Variants in DNAAF10 observed in about 807,000 individuals in gnomAD.
The protein encoded by DNAAF10 is WD repeat domain 92.
In DNAAF10, 28 loss-of-function variants were observed where a neutral mutation model predicts 43.7. The ratio of observed to expected loss-of-function variants is 0.64; its 90% CI spans 0.48 to 0.88. DNAAF10 has a LOEUF of 0.88. Among genes scored for constraint, DNAAF10 ranks in the 40% least tolerant of loss-of-function variants. The probability of loss-of-function intolerance (pLI) is 0.00; values close to 1 mark genes in which losing one functional copy is unlikely to be tolerated. For synonymous variants in DNAAF10, 156 were observed against 157.3 expected, an observed-to-expected ratio of 0.99 and a Z score of 0.06; for missense variants, 403 against 439.1, an observed-to-expected ratio of 0.92 and a Z score of 0.73.
intron 3 of DNAAF10, among the ~76,000 whole-genome samples, chr2:68,142,341 C>G (rs560383726): frequency 6.6e-6 from 1 of 152,276 alleles, no homozygotes; most frequent in South Asian, 2.1e-4. Flanking sequence ...ACTGCAACCT[C>G]CGCCTCCTGG....
At chr2:68,144,225 C>T (rs1673258815) in intron 3 of DNAAF10, among the ~76,000 whole-genome samples, 1 of 152,066 alleles carries the variant, frequency 6.6e-6, no homozygotes, top group Non-Finnish European at 1.5e-5. Flanking sequence ...ACTAATTCTG[C>T]CTTTTAAAAA....
intron 7 of DNAAF10, among the ~76,000 whole-genome samples, chr2:68,133,231 T>G (rs1019861264): frequency 1.3e-5 from 2 of 152,154 alleles, no homozygotes; most frequent in African/African-American, 4.8e-5. Flanking sequence ...TTTGTTTGTT[T>G]GTTTGTTTGT....
At chr2:68,154,021 G>A (rs1673524979) in intron 1 of DNAAF10, among the ~76,000 whole-genome samples, 1 of 151,936 alleles carries the variant, frequency 6.6e-6, no homozygotes, top group Non-Finnish European at 1.5e-5. Context: ...TCAAAGTGCA[G>A]GGATTACAGG....
At chr2:68,148,338 T>C (rs1043418448) in intron 1 of DNAAF10, among the ~76,000 whole-genome samples, 1 of 152,190 alleles carries the variant, frequency 6.6e-6, no homozygotes, top group African/African-American at 2.4e-5. Flanking sequence ...TGGTTTCTAC[T>C]ACATGCAAGT....
At chr2:68,140,919 G>A (rs898034805) in intron 4 of DNAAF10, among the ~76,000 whole-genome samples, 5 of 152,116 alleles carry the variant, frequency 3.3e-5, no homozygotes, top group Admixed American at 2.0e-4. Context: ...GACTGACACA[G>A]CATTTATATT....
chr2:68,137,234 T>C, intron 6 of DNAAF10, 65 bp downstream of exon 6: 1 of 1,481,054 alleles, frequency 6.8e-7, no homozygotes, highest in South Asian at 1.4e-5. Flanking sequence ...GGTGACTAAT[T>C]CTACTTATCA....
At chr2:68,155,458 C>T (rs1042238031) in intron 1 of DNAAF10, among the ~76,000 whole-genome samples, 2 of 150,680 alleles carry the variant, frequency 1.3e-5, no homozygotes, top group African/African-American at 2.4e-5. Flanking sequence ...CACGCCACTG[C>T]ACTCAAGCTT....
chr2:68,131,940 C>T (rs556085372), intron 7 of DNAAF10: 77 of 163,424 alleles, frequency 4.7e-4, no homozygotes, highest in African/African-American at 1.8e-3. Flanking sequence ...ATTACACGGA[C>T]CCAAGCCTAA....
intron 1 of DNAAF10, among the ~76,000 whole-genome samples, chr2:68,154,725 A>G (rs1163300090): frequency 6.6e-6 from 1 of 152,122 alleles, no homozygotes; most frequent in East Asian, 1.9e-4. Flanking sequence ...ACTCTATTCC[A>G]CTTGATGGAG....
chr2:68,157,106 AAAC>A, intron 1 of DNAAF10, 152 bp downstream of exon 1: 1 of 1,047,068 alleles, frequency 9.6e-7, no homozygotes. Context: ...TTTAAATAGG[AAAC>A]ATTCCTCAGT....
chr2:68,156,055 T>A (rs1673596239), intron 1 of DNAAF10, among the ~76,000 whole-genome samples: 1 of 148,538 alleles, frequency 6.7e-6, no homozygotes, highest in Admixed American at 6.8e-5. Flanking sequence ...TGAGCTGTGT[T>A]TGCACCACAG....
Position 68,134,716 on chromosome 2 carries a change from A to T in DNAAF10, c.852T>A (p.Leu284=), listed in dbSNP as rs551081615. Residue 284 remains leucine (L), a synonymous_variant, in exon 7 of 8, where the codon CTT becomes CTA. Transcript: ENST00000295121. ...GGCAGACTTACTACTTCCAGAGGTG[A>T]AGGCCGCCGGCGCCTCCAGCTGTCA... ...LFLTAGGAGG[L]HLWKYEYPIQ... The T allele has an allele frequency of 6.2e-5, 99 of 1,609,552 alleles. No homozygotes were observed. The Admixed American group carries it at 6.5e-4, about 11-fold the overall frequency.
At chr2:68,149,104 T>C (rs1431622231) in intron 1 of DNAAF10, among the ~76,000 whole-genome samples, 1 of 152,256 alleles carries the variant, frequency 6.6e-6, no homozygotes, top group Admixed American at 6.5e-5. Context: ...TCCCTGCCAC[T>C]TTCAATGTTT....
chr2:68,134,650 C>T, intron 7 of DNAAF10, 52 bp downstream of exon 7: 1 of 1,587,598 alleles, frequency 6.3e-7, no homozygotes, highest in South Asian at 1.2e-5. Context: ...TCTAATCCTA[C>T]TTTACACCCA....
chr2:68,134,401 T>C (rs1262964209), intron 7 of DNAAF10: 6 of 1,112,694 alleles, frequency 5.4e-6, no homozygotes, highest in Non-Finnish European at 6.6e-6. Context: ...AGGCAGTGAG[T>C]GTTCTAATCA....
intron 5 of DNAAF10, among the ~76,000 whole-genome samples, chr2:68,137,969 T>C (rs1219810964): frequency 2.0e-5 from 3 of 150,160 alleles, no homozygotes; most frequent in Non-Finnish European, 4.4e-5. Context: ...GGTCAGGAGA[T>C]TGAGACCATC....
rs1673350300 is a variant in DNAAF10 at position 68,147,578 on chromosome 2, G to A, written c.184-11C>T. 1 of 1,582,950 alleles carries A rather than the reference G, an allele frequency of 6.3e-7. No individual in the cohort carries two copies. The highest frequency in any genetic ancestry group is 1.1e-5 in the South Asian group (1 of 88,500). ...TTTGGCCTTTTCAATCTTCATAGAA[G>A]GGAGGAAGAGAGGATATATTATTTA... On this transcript the variant is annotated splice_polypyrimidine_tract_variant and intron_variant, in intron 1 of 7. Transcript: ENST00000295121.
rs199700133 is a variant in DNAAF10 at position 68,130,109 on chromosome 2, G to GATATATATATATATAT, written c.*1128_*1129insATATATATATATATAT. On this transcript the variant is annotated 3_prime_UTR_variant, in exon 8 of 8. Coordinates refer to ENST00000295121, the MANE Select transcript of DNAAF10 (RefSeq NM_138458.4). The stretch of plus-strand genomic sequence containing the variant: ...CTAGACCAACCGTGCCGTTTTGAGA[G>GATATATATATATATAT]AGAGAGATATATATATATATATTTG... The GATATATATATATATAT allele has an allele frequency of 9.3e-5, 12 of 129,196 alleles. No homozygotes were observed. The highest frequency in any genetic ancestry group is 4.0e-4 in the African/African-American group (12 of 29,996). The allele number at this position is 129,196 out of a possible 1,614,324, so 8.0% of individuals were successfully genotyped here.
intron 3 of DNAAF10, 87 bp downstream of exon 3, chr2:68,144,498 G>T: frequency 6.5e-7 from 1 of 1,533,844 alleles, no homozygotes; most frequent in Admixed American, 2.2e-5. Context: ...GTGACTGAAG[G>T]GGATTTTTTA....
Sources: allele counts gnomAD v4.1 joint callset (sites outside exome capture counted in the v4.1 genomes callset), GRCh38; gene constraint gnomAD v4.1.1; transcripts MANE v1.5; gene names NCBI Gene and HGNC (gene_info 2026-07-23, HGNC 2026-07-21).